ANKFN1: variants seen among roughly 807,000 people sequenced by gnomAD.
ANKFN1 encodes ankyrin repeat and fibronectin type-III domain-containing protein 1.
ANKFN1 carries 74 observed loss-of-function variants against 108.7 expected under a neutral mutation model. The ratio of observed to expected loss-of-function variants is 0.68; its 90% CI spans 0.56 to 0.83. ANKFN1 has a LOEUF of 0.83. ANKFN1 is among the 40% of genes least tolerant of loss of function. The probability of loss-of-function intolerance (pLI) is 0.00; values close to 1 mark genes in which losing one functional copy is unlikely to be tolerated. For synonymous variants in ANKFN1, 547 were observed against 516.2 expected (o/e 1.06, Z -0.81); for missense variants, 1,505 against 1,382.3 (o/e 1.09, Z -1.41).
At chr17:56,442,537 T>C (rs1389920046) in intron 9 of ANKFN1, among the ~76,000 whole-genome samples, 2 of 152,192 alleles carry the variant, frequency 1.3e-5, no homozygotes, top group East Asian at 1.9e-4. Flanking sequence ...TAAAAATTTA[T>C]ATATAGTTTC....
intron 20 of ANKFN1, among the ~76,000 whole-genome samples, chr17:56,507,761 C>T (rs1298847326): frequency 6.6e-6 from 1 of 152,204 alleles, no homozygotes; most frequent in Non-Finnish European, 1.5e-5. Context: ...TTATCTGGAA[C>T]ACTTGTCCCT....
chr17:56,388,194 G>A lies in ANKFN1; in HGVS notation c.910+13480G>A, dbSNP rs184317753. 1.2e-4 allele frequency among the ~76,000 whole-genome samples: 18 copies of A among 150,482 alleles called. No individual in the cohort carries two copies. In the East Asian group the frequency reaches 2.3e-3, roughly 20 times the overall value. On this transcript the variant is annotated intron_variant, in intron 8 of 20. Coordinates refer to ENST00000682825, the MANE Select transcript of ANKFN1 (RefSeq NM_001370326.1). ...CACTCTGTCACCCAGGCTGGAGTTC[G>A]GTGGCATGATCTTGGCTCACTGCAT... is the stretch of plus-strand genomic sequence containing the variant.
At chr17:56,269,388 A>G (rs1057428550) in intron 3 of ANKFN1, among the ~76,000 whole-genome samples, 2 of 152,296 alleles carry the variant, frequency 1.3e-5, no homozygotes, top group African/African-American at 4.8e-5. Context: ...AGCCCTCCCA[A>G]ACAACTCTGG....
chr17:56,051,772 A>G (rs1189932405), intron 4 of ANKFN1, among the ~76,000 whole-genome samples: 4 of 151,076 alleles, frequency 2.6e-5, no homozygotes, highest in Non-Finnish European at 5.9e-5. Context: ...TTATACACCA[A>G]CAACAGACTA....
At chr17:56,238,685 A>AGATGGGTCTCATGAAGACAGCATAC (rs1273540449) in intron 3 of ANKFN1, among the ~76,000 whole-genome samples, 1 of 152,116 alleles carries the variant, frequency 6.6e-6, no homozygotes, top group African/African-American at 2.4e-5. Context: ...ATTATATGTG[A>AGATGGGTCTCATGAAGACAGCATAC]GATGGGTCTC....
chr17:56,509,081 T>C (rs2051662709), intron 20 of ANKFN1, among the ~76,000 whole-genome samples: 1 of 152,220 alleles, frequency 6.6e-6, no homozygotes, highest in Admixed American at 6.5e-5. Context: ...CTTTTATTGG[T>C]AGCCATTATT....
intron 20 of ANKFN1, among the ~76,000 whole-genome samples, chr17:56,505,914 A>G (rs2051541482): frequency 6.6e-6 from 1 of 152,200 alleles, no homozygotes; most frequent in African/African-American, 2.4e-5. Context: ...GTGCTTGACT[A>G]TGGACTGAAA....
At chr17:56,381,824 T>A (rs1465027378) in intron 8 of ANKFN1, among the ~76,000 whole-genome samples, 7 of 151,928 alleles carry the variant, frequency 4.6e-5, no homozygotes, top group African/African-American at 1.5e-4. Context: ...TGTACCTGAA[T>A]GTGACGGGGA....
intron 4 of ANKFN1, among the ~76,000 whole-genome samples, chr17:56,105,409 G>A (rs1905727056): frequency 6.6e-6 from 1 of 152,030 alleles, no homozygotes. Flanking sequence ...GAAATACTCG[G>A]CTTTATGGAA....
At chr17:56,181,622 G>A (rs1475840998) in intron 1 of ANKFN1, among the ~76,000 whole-genome samples, 1 of 152,180 alleles carries the variant, frequency 6.6e-6, no homozygotes, top group African/African-American at 2.4e-5. Flanking sequence ...AACTTCCAGT[G>A]ATCAGATCAC....
intron 8 of ANKFN1, among the ~76,000 whole-genome samples, chr17:56,404,030 T>A (rs1161789888): frequency 6.6e-6 from 1 of 152,126 alleles, no homozygotes; most frequent in African/African-American, 2.4e-5. Context: ...TGCTGAGAAA[T>A]CTTCTGCTAA....
intron 20 of ANKFN1, among the ~76,000 whole-genome samples, chr17:56,507,310 T>C (rs1377565412): frequency 6.6e-6 from 1 of 152,136 alleles, no homozygotes; most frequent in African/African-American, 2.4e-5. Context: ...TTAGCCCAGG[T>C]CTTTATACAT....
Position 56,237,869 on chromosome 17 carries a change from G to C in ANKFN1, c.53+9912G>C, listed in dbSNP as rs147636988. Among the ~76,000 whole-genome samples the C allele has an allele frequency of 1.1e-4, 16 of 152,014 alleles. 1 individual carries two copies. The East Asian group carries it at 2.9e-3, about 28-fold the overall frequency. On this transcript the variant is annotated intron_variant, in intron 3 of 20. Coordinates refer to ENST00000682825, the MANE Select transcript of ANKFN1 (RefSeq NM_001370326.1). ...TCTAATTCGTTCTGTTGTGATGTTA[G>C]GTTGTTAATTTGAAATCTTTCTAAC... is the stretch of plus-strand genomic sequence containing the variant.
chr17:56,053,514 C>T (rs1482816966), intron 4 of ANKFN1, among the ~76,000 whole-genome samples: 1 of 152,124 alleles, frequency 6.6e-6, no homozygotes, highest in Non-Finnish European at 1.5e-5. Context: ...AATAGTACTC[C>T]ATTGTGTATA....
chr17:56,074,599 G>T (rs1183999569), intron 4 of ANKFN1, among the ~76,000 whole-genome samples: 1 of 152,220 alleles, frequency 6.6e-6, no homozygotes, highest in Non-Finnish European at 1.5e-5. Context: ...GAAAACAGGA[G>T]AAATTCCAAC....
chr17:56,053,322 A>G lies in ANKFN1; in HGVS notation c.288+6997A>G, dbSNP rs1904810368. Among the ~76,000 whole-genome samples the G allele has an allele frequency of 2.6e-5, 4 of 152,054 alleles. No homozygotes were observed. The South Asian group carries it at 6.2e-4, about 24-fold the overall frequency. Reference sequence around the variant, plus strand: ...CTCACTACCCTTCCCAGCCTCTGGTAACTATCCTTCCACTGTCTATCTCCA... The same window carrying G: ...CTCACTACCCTTCCCAGCCTCTGGTGACTATCCTTCCACTGTCTATCTCCA... On this transcript the variant is annotated intron_variant, in intron 4 of 12. Transcript: ENST00000635860.
intron 6 of ANKFN1, among the ~76,000 whole-genome samples, chr17:56,356,509 T>A (rs2046381551): frequency 6.6e-6 from 1 of 152,142 alleles, no homozygotes; most frequent in Admixed American, 6.6e-5. Context: ...CAGAAGCAGA[T>A]CCTTGTATCA....
chr17:56,383,415 A>G (rs2047165153), intron 8 of ANKFN1, among the ~76,000 whole-genome samples: 1 of 152,226 alleles, frequency 6.6e-6, no homozygotes, highest in African/African-American at 2.4e-5. Flanking sequence ...TCACAATTAA[A>G]AGAACTAGAA....
chr17:56,336,872 C>T (rs933645021), intron 4 of ANKFN1, among the ~76,000 whole-genome samples: 1 of 152,112 alleles, frequency 6.6e-6, no homozygotes, highest in African/African-American at 2.4e-5. Flanking sequence ...TATAAATTTC[C>T]CTCTACACAC....
Sources: gnomAD v4.1 joint callset for allele counts (sites outside exome capture counted in the v4.1 genomes callset) on GRCh38, gnomAD v4.1.1 for gene constraint, MANE v1.5 for transcripts, NCBI Gene and HGNC (gene_info 2026-07-23, HGNC 2026-07-21) for gene names.